Variants in GALNT13 observed in about 807,000 individuals in gnomAD.
The protein encoded by GALNT13 is UDP-GalNAc:polypeptide N-acetylgalactosaminyltransferase 13.
In GALNT13, 28 loss-of-function variants were observed where a neutral mutation model predicts 64.2. That is an observed-to-expected ratio of 0.44 (90% CI 0.32 to 0.60). The LOEUF (loss-of-function observed/expected upper bound fraction) is 0.60, where lower values mean the gene tolerates loss of function less well. Ranked by LOEUF, GALNT13 falls within the 20% of genes least tolerant of loss-of-function variation. GALNT13 has a pLI of 0.05. For synonymous variants in GALNT13, 214 were observed against 224.6 expected, an observed-to-expected ratio of 0.95 and a Z score of 0.42; for missense variants, 577 against 669.8, an observed-to-expected ratio of 0.86 and a Z score of 1.53.
chr2:153,088,522 T>A, the GALNT13 span, among the ~76,000 whole-genome samples: 3 of 152,176 alleles, frequency 2.0e-5, no homozygotes, highest in Admixed American at 1.3e-4. Flanking sequence ...TCTTTGACTT[T>A]CTGTCTTGAT....
intron 4 of GALNT13, among the ~76,000 whole-genome samples, chr2:154,190,995 A>C (rs1396902391): frequency 6.6e-6 from 1 of 152,176 alleles, no homozygotes; most frequent in Non-Finnish European, 1.5e-5. Flanking sequence ...CATATTTCAA[A>C]TGCTCAATAG....
the GALNT13 span, among the ~76,000 whole-genome samples, chr2:153,836,040 T>C: frequency 1.5e-4 from 23 of 152,180 alleles, no homozygotes; most frequent in Middle Eastern, 6.8e-3. Context: ...ATGGTTAAGA[T>C]AAAATAATTT....
chr2:154,027,337 A>G (rs1391677491), intron 3 of GALNT13, among the ~76,000 whole-genome samples: 1 of 152,200 alleles, frequency 6.6e-6, no homozygotes, highest in Non-Finnish European at 1.5e-5. Context: ...ACTTAACAAT[A>G]TAGAAACATT....
chr2:153,625,274 G>T, the GALNT13 span, among the ~76,000 whole-genome samples: 2 of 151,958 alleles, frequency 1.3e-5, no homozygotes, highest in Non-Finnish European at 1.5e-5. Flanking sequence ...CCTGATAGAT[G>T]AAATTACCTA....
At chr2:153,720,873 TTGGAAAACACTC>T in the GALNT13 span, among the ~76,000 whole-genome samples, 1 of 151,144 alleles carries the variant, frequency 6.6e-6, no homozygotes, top group Admixed American at 6.6e-5. Context: ...TGGAACCAAG[TTGGAAAACACTC>T]TGCAGGATAT....
At chr2:153,237,592 T>G in the GALNT13 span, among the ~76,000 whole-genome samples, 13 of 152,188 alleles carry the variant, frequency 8.5e-5, no homozygotes, top group African/African-American at 2.9e-4. Context: ...TTTCTTTATG[T>G]GCCTGGCTTA....
At chr2:153,346,968 TA>T in the GALNT13 span, among the ~76,000 whole-genome samples, 2 of 152,218 alleles carry the variant, frequency 1.3e-5, no homozygotes, top group Non-Finnish European at 2.9e-5. Context: ...ACGTGCAAGA[TA>T]AAAACCGTGG....
chr2:154,182,629 A>C (rs1179176522), intron 4 of GALNT13, among the ~76,000 whole-genome samples: 1 of 148,578 alleles, frequency 6.7e-6, no homozygotes, highest in Non-Finnish European at 1.5e-5. Flanking sequence ...ATATATATTT[A>C]TTATATGGTA....
At chr2:153,435,993 A>G in the GALNT13 span, among the ~76,000 whole-genome samples, 1 of 152,170 alleles carries the variant, frequency 6.6e-6, no homozygotes, top group Non-Finnish European at 1.5e-5. Context: ...TTATTTTGAG[A>G]TACGTGCCAT....
chr2:153,860,535 A>G, the GALNT13 span, among the ~76,000 whole-genome samples: 2 of 151,736 alleles, frequency 1.3e-5, no homozygotes, highest in Non-Finnish European at 2.9e-5. Context: ...CTCTTTTACT[A>G]TTTAGGACCA....
At chr2:153,390,737 C>T in the GALNT13 span, among the ~76,000 whole-genome samples, 1 of 151,988 alleles carries the variant, frequency 6.6e-6, no homozygotes, top group Non-Finnish European at 1.5e-5. Flanking sequence ...ATTTTTCATC[C>T]AATCCATACA....
chr2:154,021,144 A>G (rs1461820227), intron 3 of GALNT13, among the ~76,000 whole-genome samples: 3 of 152,130 alleles, frequency 2.0e-5, no homozygotes, highest in Admixed American at 6.5e-5. Context: ...TGATGCCTCC[A>G]GCTTTGTTCT....
At chr2:153,420,458 T>A in the GALNT13 span, among the ~76,000 whole-genome samples, 1 of 152,180 alleles carries the variant, frequency 6.6e-6, no homozygotes, top group African/African-American at 2.4e-5. Flanking sequence ...ATAGCAAATA[T>A]GATCTCCATG....
intron 9 of GALNT13, among the ~76,000 whole-genome samples, chr2:154,386,655 A>C (rs1698528114): frequency 6.6e-6 from 1 of 152,116 alleles, no homozygotes; most frequent in Non-Finnish European, 1.5e-5. Context: ...TGAAATATAC[A>C]GCTATATATT....
the GALNT13 span, among the ~76,000 whole-genome samples, chr2:153,516,285 T>TATTCTA: frequency 3.3e-5 from 5 of 152,166 alleles, no homozygotes; most frequent in African/African-American, 9.7e-5. Flanking sequence ...GCCAAAGTCC[T>TATTCTA]CAGTAAACAA....
At chr2:154,170,479 T>C (rs1161933992) in intron 4 of GALNT13, among the ~76,000 whole-genome samples, 1 of 152,136 alleles carries the variant, frequency 6.6e-6, no homozygotes, top group East Asian at 1.9e-4. Flanking sequence ...TTGACTCAGG[T>C]CTACACCTGC....
intron 10 of GALNT13, among the ~76,000 whole-genome samples, chr2:154,400,933 A>C (rs1699273771): frequency 2.0e-5 from 3 of 151,900 alleles, no homozygotes; most frequent in Admixed American, 2.0e-4. Context: ...GGCTTTCTGA[A>C]AAAAAAATAC....
At chr2:153,967,246 A>T (rs900195705) in intron 3 of GALNT13, among the ~76,000 whole-genome samples, 5 of 152,112 alleles carry the variant, frequency 3.3e-5, no homozygotes, top group Admixed American at 2.6e-4. Context: ...TATTTAGTTA[A>T]TGTGGTGAGG....
the GALNT13 span, among the ~76,000 whole-genome samples, chr2:153,630,083 A>G: frequency 6.7e-6 from 1 of 149,260 alleles, no homozygotes; most frequent in Non-Finnish European, 1.5e-5. Context: ...TGTGGAAGTC[A>G]GTGTGGCGAT....
Sources: gnomAD v4.1 joint callset for allele counts (sites outside exome capture counted in the v4.1 genomes callset) on GRCh38, gnomAD v4.1.1 for gene constraint, MANE v1.5 for transcripts, NCBI Gene and HGNC (gene_info 2026-07-23, HGNC 2026-07-21) for gene names.